Variants in TASP1 observed in about 807,000 individuals in gnomAD.
The protein encoded by TASP1 is threonine aspartase 1.
Under a neutral mutation model 56.6 loss-of-function variants are expected in TASP1, and 16 were observed. That is an observed-to-expected ratio of 0.28 (90% CI 0.19 to 0.43). The LOEUF (loss-of-function observed/expected upper bound fraction) is 0.43. Among genes scored for constraint, TASP1 ranks in the 20% least tolerant of loss-of-function variants. The pLI, the probability that TASP1 is intolerant of heterozygous loss-of-function variation, is 1.00. For missense variants in TASP1, 393 were observed against 511.6 expected, an observed-to-expected ratio of 0.77 and a Z score of 2.24; for synonymous variants, 179 against 184.2, an observed-to-expected ratio of 0.97 and a Z score of 0.23.
intron 10 of TASP1, among the ~76,000 whole-genome samples, chr20:13,511,649 G>A (rs1255097551): frequency 6.6e-6 from 1 of 151,884 alleles, no homozygotes; most frequent in Non-Finnish European, 1.5e-5. Flanking sequence ...TGTGCACAAT[G>A]TACAGGTTTG....
chr20:13,550,173 C>CACACAA (rs2045935241), intron 8 of TASP1, among the ~76,000 whole-genome samples: 1 of 151,430 alleles, frequency 6.6e-6, no homozygotes, highest in South Asian at 2.1e-4. Context: ...CACACACACA[C>CACACAA]ACACACACAC....
chr20:13,365,916 T>C, the TASP1 span, among the ~76,000 whole-genome samples: 1 of 152,082 alleles, frequency 6.6e-6, no homozygotes, highest in Non-Finnish European at 1.5e-5. Context: ...CACAAGATGA[T>C]AGCTTGAACT....
At chr20:13,345,112 A>G in the TASP1 span, among the ~76,000 whole-genome samples, 1 of 152,022 alleles carries the variant, frequency 6.6e-6, no homozygotes, top group Non-Finnish European at 1.5e-5. Flanking sequence ...ACTGGTGTTT[A>G]TTTTCGTTCA....
the TASP1 span, chr20:13,160,127 G>C: frequency 1.2e-6 from 2 of 1,613,902 alleles, no homozygotes; most frequent in South Asian, 2.2e-5. Context: ...GGAGATGTTA[G>C]ACACGGTGAG....
At chr20:13,292,066 CT>C in the TASP1 span, among the ~76,000 whole-genome samples, 3 of 152,196 alleles carry the variant, frequency 2.0e-5, no homozygotes, top group African/African-American at 2.4e-5. Flanking sequence ...GTTTGTCACC[CT>C]GACACCATCC....
the TASP1 span, among the ~76,000 whole-genome samples, chr20:13,367,527 G>T: frequency 6.6e-6 from 1 of 152,164 alleles, no homozygotes; most frequent in South Asian, 2.1e-4. Flanking sequence ...ATCCTTTAAT[G>T]TGCCTGATGA....
the TASP1 span, among the ~76,000 whole-genome samples, chr20:13,203,961 G>A: frequency 6.6e-6 from 1 of 152,148 alleles, no homozygotes; most frequent in South Asian, 2.1e-4. Context: ...GTGACTCTGA[G>A]GGACAAAAGT....
At chr20:13,365,377 CA>C in the TASP1 span, among the ~76,000 whole-genome samples, 2 of 151,506 alleles carry the variant, frequency 1.3e-5, no homozygotes, top group Non-Finnish European at 1.5e-5. Context: ...CAATGAGCAC[CA>C]AAAAAAGATA....
At chr20:13,136,894 A>G in the TASP1 span, among the ~76,000 whole-genome samples, 7 of 152,092 alleles carry the variant, frequency 4.6e-5, no homozygotes, top group East Asian at 9.6e-4. Flanking sequence ...TTCTTTAATT[A>G]TCTTAGATAT....
chr20:13,209,346 T>A, the TASP1 span, among the ~76,000 whole-genome samples: 1 of 152,214 alleles, frequency 6.6e-6, no homozygotes. Flanking sequence ...TCTTCACATG[T>A]AAAGTTAATG....
intron 12 of TASP1, among the ~76,000 whole-genome samples, chr20:13,421,615 T>C (rs921709809): frequency 3.3e-5 from 5 of 152,112 alleles, no homozygotes; most frequent in South Asian, 2.1e-4. Context: ...CATACTAAAA[T>C]AAACGCAAAT....
At chr20:13,121,943 A>C in the TASP1 span, among the ~76,000 whole-genome samples, 1 of 152,240 alleles carries the variant, frequency 6.6e-6, no homozygotes, top group Non-Finnish European at 1.5e-5. Flanking sequence ...CAATCTGTGA[A>C]TTAGGGTTGG....
At chr20:13,617,653 T>C (rs1320545199) in intron 4 of TASP1, among the ~76,000 whole-genome samples, 1 of 152,190 alleles carries the variant, frequency 6.6e-6, no homozygotes, top group African/African-American at 2.4e-5. Flanking sequence ...AAACTGGAGA[T>C]GCTCGTTTAT....
chr20:13,452,466 T>C (rs2043659914), intron 11 of TASP1, among the ~76,000 whole-genome samples: 2 of 150,540 alleles, frequency 1.3e-5, no homozygotes, highest in Non-Finnish European at 1.5e-5. Flanking sequence ...CCAGACACAA[T>C]TTACTTATAT....
At chr20:13,299,444 G>A in the TASP1 span, 1 of 1,601,038 alleles carries the variant, frequency 6.2e-7, no homozygotes. The surrounding 1 kb of genome is among the most constrained non-coding windows in gnomAD (Gnocchi z 5.8). Context: ...AGTTCCAAGA[G>A]GCCAGGGAAT....
intron 10 of TASP1, among the ~76,000 whole-genome samples, chr20:13,484,733 C>CAAAAAAAAAA (rs34720600): frequency 1.2e-5 from 1 of 81,160 alleles, no homozygotes; most frequent in Non-Finnish European, 2.5e-5. Context: ...CAAGATTTCT[C>CAAAAAAAAAA]AAAAAAAAAA....
At chr20:13,262,098 GACAGTT>G in the TASP1 span, among the ~76,000 whole-genome samples, 1 of 152,220 alleles carries the variant, frequency 6.6e-6, no homozygotes, top group Non-Finnish European at 1.5e-5. Context: ...CCGAGTCCTA[GACAGTT>G]ACCACTCTGT....
At chr20:13,515,743 C>T (rs2044503658) in intron 10 of TASP1, among the ~76,000 whole-genome samples, 1 of 151,880 alleles carries the variant, frequency 6.6e-6, no homozygotes, top group Non-Finnish European at 1.5e-5. Context: ...CCCGGAATTC[C>T]CTGGGCATCA....
intron 8 of TASP1, among the ~76,000 whole-genome samples, chr20:13,550,818 G>A (rs565261447): frequency 6.6e-6 from 1 of 152,020 alleles, no homozygotes. Context: ...TTTTTCCAGT[G>A]TCAGGGTCTC....
Sources: allele counts gnomAD v4.1 joint callset (sites outside exome capture counted in the v4.1 genomes callset), GRCh38; gene constraint gnomAD v4.1.1; non-coding constraint Gnocchi (gnomAD v3.1); transcripts MANE v1.5; gene names NCBI Gene and HGNC (gene_info 2026-07-23, HGNC 2026-07-21).